NOL4L: variants seen among roughly 807,000 people sequenced by gnomAD.
The protein encoded by NOL4L is nucleolar protein 4-like.
NOL4L carries 7 observed loss-of-function variants against 64.5 expected under a neutral mutation model. The ratio of observed to expected loss-of-function variants is 0.11; its 90% confidence interval spans 0.06 to 0.20. The LOEUF (loss-of-function observed/expected upper bound fraction) is 0.20, where lower values mean the gene tolerates loss of function less well. Among genes scored for constraint, NOL4L ranks in the 10% least tolerant of loss-of-function variants. The pLI is 1.00. For missense variants in NOL4L, 680 were observed against 967.1 expected (o/e 0.70, Z 3.94); for synonymous variants, 413 against 401.0 (o/e 1.03, Z -0.36).
chr20:32,530,711 C>T (rs1191919219), intron 1 of NOL4L, among the ~76,000 whole-genome samples: 2 of 152,202 alleles, frequency 1.3e-5, no homozygotes, highest in East Asian at 1.9e-4. Flanking sequence ...CACCTGAGGT[C>T]GGGAGTTTGA....
At chr20:32,495,327 C>A (rs2016642920) in intron 4 of NOL4L, among the ~76,000 whole-genome samples, 1 of 152,230 alleles carries the variant, frequency 6.6e-6, no homozygotes, top group Non-Finnish European at 1.5e-5. Context: ...TGACTCATAT[C>A]TGTCGAGGAG....
chr20:32,538,274 G>C (rs966611467), intron 1 of NOL4L, among the ~76,000 whole-genome samples: 3 of 152,194 alleles, frequency 2.0e-5, no homozygotes, highest in Non-Finnish European at 4.4e-5. Flanking sequence ...CCTCAGGCCT[G>C]GCTGTGTCCC....
intron 5 of NOL4L, among the ~76,000 whole-genome samples, chr20:32,458,035 A>C (rs1358942987): frequency 6.6e-6 from 1 of 152,142 alleles, no homozygotes; most frequent in Non-Finnish European, 1.5e-5. Flanking sequence ...AATTGTGAGA[A>C]TGGGGGTGCC....
At chr20:32,526,282 T>C (rs1437829889) in intron 2 of NOL4L, among the ~76,000 whole-genome samples, 1 of 152,150 alleles carries the variant, frequency 6.6e-6, no homozygotes, top group Non-Finnish European at 1.5e-5. Flanking sequence ...CCTTCTTCTA[T>C]GATCCTCTGG....
At position 32,465,173 on chromosome 20, in the gene NOL4L, G is replaced by A. The variant is rs1366586238; in HGVS notation, c.842-8778C>T. The stretch of plus-strand genomic sequence containing the variant: ...GGAGGTGGACACCAATTATGCGTCA[G>A]GTCCCGAGTGTCAGGCGGCGGGTAA... On this transcript the variant is annotated intron_variant, in intron 5 of 10. Transcript: ENST00000621426. 8 of 467,742 alleles carry A rather than the reference G, an allele frequency of 1.7e-5. No homozygotes were observed. In the East Asian group the frequency reaches 2.5e-4, roughly 14 times the overall value. The allele number at this position is 467,742 out of a possible 1,614,324, so 29.0% of individuals were successfully genotyped here.
intron 1 of NOL4L, among the ~76,000 whole-genome samples, chr20:32,556,274 TGGG>T (rs58089481): frequency 2.1e-5 from 3 of 144,172 alleles, no homozygotes; most frequent in African/African-American, 7.5e-5. Context: ...ATTTCCTTTG[TGGG>T]GGGGGGGGGT....
At chr20:32,574,414 T>G (rs138119478) in intron 1 of NOL4L, among the ~76,000 whole-genome samples, 3 of 152,322 alleles carry the variant, frequency 2.0e-5, no homozygotes, top group African/African-American at 7.2e-5. Context: ...CAGCAGAGCC[T>G]GTGCCTTGGT....
chr20:32,463,151 C>T lies in NOL4L; in HGVS notation c.842-6756G>A, dbSNP rs953881993. Among the ~76,000 whole-genome samples the T allele has an allele frequency of 1.7e-4, 26 of 152,120 alleles. No individual in the cohort carries two copies. Among genetic ancestry groups the T allele is most frequent in the African/African-American group, 6.3e-4 (26 of 41,422 alleles). On this transcript the variant is annotated intron_variant, in intron 5 of 10. Transcript: ENST00000621426. This position sits in a 1 kb window ranked among gnomAD's most constrained non-coding sequence, Gnocchi z 5.8. ...GAAACCCAGCTGGCTCCATGGGCAC[C>T]GAAGCCCCAGCACACAGGCCTCACG...
rs761373270 is a variant in NOL4L, at chr20:32,447,727, C to G, written c.1912G>C (p.Val638Leu). Residue 638 changes from valine to leucine, a missense_variant, in exon 11 of 11, where the codon GTG becomes CTG. Transcript: ENST00000621426. The part of the protein sequence containing the change: ...TPSSTSTSRP[V>L]PTAQLSPTEI... ...GTGGGGCTGAGCTGAGCGGTGGGCACGGGCCTGCTGGTGCTGGTGCTGGAG... is the reference window on the plus strand; with the variant it reads ...GTGGGGCTGAGCTGAGCGGTGGGCAGGGGCCTGCTGGTGCTGGTGCTGGAG... The G allele has an allele frequency of 3.0e-6, 4 of 1,346,894 alleles. No homozygotes were observed. The highest frequency in any genetic ancestry group is 4.0e-6 in the Non-Finnish European group (4 of 1,006,982). The allele number at this position is 1,346,894 out of a possible 1,614,324, so 83.4% of individuals were successfully genotyped here. A position where few individuals can be genotyped will look rare whatever the true frequency, so the allele number is the denominator to read the frequency against.
In NOL4L at chr20:32,443,978, G is replaced by A. The variant is rs1337802799; in HGVS notation, c.*3618C>T. On this transcript the variant is annotated 3_prime_UTR_variant, in exon 11 of 11. Coordinates refer to ENST00000621426, the MANE Select transcript of NOL4L (RefSeq NM_001256798.2). ...CCAATCTGAGTTCTACGTGGTATAGGTTTTTTGTTGTATTTTTAGGTGGAA... is the reference window on the plus strand; with the variant it reads ...CCAATCTGAGTTCTACGTGGTATAGATTTTTTGTTGTATTTTTAGGTGGAA... 6.6e-6 allele frequency: 1 copy of A among 152,188 alleles called. No individual in the cohort carries two copies. The highest frequency in any genetic ancestry group is 2.4e-5 in the African/African-American group (1 of 41,444). The allele number at this position is 152,188 out of a possible 1,614,324, so 9.4% of individuals were successfully genotyped here. A position where few individuals can be genotyped will look rare whatever the true frequency, so the allele number is the denominator to read the frequency against.
chr20:32,520,947 G>A, intron 2 of NOL4L, 25 bp from the exon 3 acceptor site: 2 of 1,500,620 alleles, frequency 1.3e-6, no homozygotes, highest in South Asian at 2.4e-5. Context: ...AGCTTCGCTT[G>A]TTATATGGAT....
At chr20:32,505,564 A>G (rs1239002230) in intron 4 of NOL4L, among the ~76,000 whole-genome samples, 2 of 152,176 alleles carry the variant, frequency 1.3e-5, no homozygotes, top group Non-Finnish European at 2.9e-5. Flanking sequence ...AAAAAAAAAT[A>G]CAAAAATTAG....
At chr20:32,584,101 C>CA (rs1340152048) in intron 1 of NOL4L, among the ~76,000 whole-genome samples, 23 of 141,388 alleles carry the variant, frequency 1.6e-4, no homozygotes, top group Non-Finnish European at 3.3e-4. Flanking sequence ...TCCCTCCCCC[C>CA]CCCCCACCCC....
rs1212956200 is a variant in NOL4L at position 32,585,183 on chromosome 20, T to C, written c.-293A>G. ...GGGATGCAGGAGCGATGGAGGCAGCTCCGGGCCCGGAGGTGCAGAGGGGGC... is the reference window on the plus strand; with the variant it reads ...GGGATGCAGGAGCGATGGAGGCAGCCCCGGGCCCGGAGGTGCAGAGGGGGC... On this transcript the variant is annotated 5_prime_UTR_variant, in exon 1 of 11. Transcript: ENST00000621426. 1 of 144,872 alleles carries C rather than the reference T, an allele frequency of 6.9e-6. No individual in the cohort carries two copies. The highest frequency in any genetic ancestry group is 2.6e-5 in the African/African-American group (1 of 39,152). The allele number at this position is 144,872 out of a possible 1,614,324, so 9.0% of individuals were successfully genotyped here. A position where few individuals can be genotyped will look rare whatever the true frequency, so the allele number is the denominator to read the frequency against.
intron 3 of NOL4L, among the ~76,000 whole-genome samples, chr20:32,514,817 G>A (rs1028377139): frequency 6.6e-6 from 1 of 152,110 alleles, no homozygotes; most frequent in Non-Finnish European, 1.5e-5. Context: ...TGTTTGGACT[G>A]AGAATTCTGC....
At chr20:32,491,509 G>A (rs1275488081) in intron 4 of NOL4L, among the ~76,000 whole-genome samples, 4 of 152,262 alleles carry the variant, frequency 2.6e-5, no homozygotes, top group Middle Eastern at 3.4e-3. Flanking sequence ...TGGGCCATTC[G>A]CTCTGAGGGC....
At chr20:32,535,761 G>C in intron 1 of NOL4L, 1 of 985,478 alleles carries the variant, frequency 1.0e-6, no homozygotes, top group Non-Finnish European at 1.2e-6. Flanking sequence ...TGGGTGTAGG[G>C]GGAAGGAATG....
intron 4 of NOL4L, among the ~76,000 whole-genome samples, chr20:32,486,106 C>T (rs1381875700): frequency 5.3e-5 from 8 of 152,202 alleles, no homozygotes; most frequent in African/African-American, 1.7e-4. Flanking sequence ...GGCTGTTGAG[C>T]GGCACTGCAA....
intron 1 of NOL4L, among the ~76,000 whole-genome samples, chr20:32,583,646 G>GC (rs568814676): frequency 0.016 from 2,313 of 141,098 alleles, 39 homozygotes; most frequent in African/African-American, 0.049. Context: ...GGGAGCGGCC[G>GC]CCCCCCCCCC....
Sources: allele counts gnomAD v4.1 joint callset (sites outside exome capture counted in the v4.1 genomes callset), GRCh38; gene constraint gnomAD v4.1.1; non-coding constraint Gnocchi (gnomAD v3.1); transcripts MANE v1.5; gene names NCBI Gene and HGNC (gene_info 2026-07-23, HGNC 2026-07-21).